The following PRKG1 variants were observed in gnomAD, a reference collection of about 807,000 sequenced individuals.
The protein encoded by PRKG1 is cGMP-dependent protein kinase 1.
Under a neutral mutation model 88.1 loss-of-function variants are expected in PRKG1, and 35 were observed. That is an observed-to-expected ratio of 0.40 (90% CI 0.30 to 0.53). The LOEUF (loss-of-function observed/expected upper bound fraction) is 0.53. PRKG1 is among the 20% of genes least tolerant of loss of function. The pLI, the probability that PRKG1 is intolerant of heterozygous loss-of-function variation, is 0.59. For missense variants in PRKG1, 540 were observed against 839.8 expected (o/e 0.64, Z 4.41); for synonymous variants, 303 against 292.5 (o/e 1.04, Z -0.37).
intron 5 of PRKG1, among the ~76,000 whole-genome samples, chr10:51,957,124 G>GCCTT (rs1564727435): frequency 9.2e-6 from 1 of 108,670 alleles, no homozygotes. Context: ...TTTCTTTCCT[G>GCCTT]CTTTCTTTCT....
chr10:51,982,100 T>G (rs1844024622), intron 5 of PRKG1, among the ~76,000 whole-genome samples: 1 of 152,246 alleles, frequency 6.6e-6, no homozygotes, highest in African/African-American at 2.4e-5. Context: ...GCTTGGTCTA[T>G]TCTGCTATTA....
At chr10:51,184,931 C>T (rs527818072) in intron 2 of PRKG1, among the ~76,000 whole-genome samples, 53 of 152,206 alleles carry the variant, frequency 3.5e-4, no homozygotes, top group Non-Finnish European at 4.3e-4. Context: ...AGCAGGTATA[C>T]GAGAGGCCAA....
At chr10:51,409,658 T>C (rs2132684317) in intron 2 of PRKG1, among the ~76,000 whole-genome samples, 1 of 151,764 alleles carries the variant, frequency 6.6e-6, no homozygotes, top group South Asian at 2.1e-4. Context: ...ATCAAGATCA[T>C]CCTGGTCTAC....
intron 7 of PRKG1, among the ~76,000 whole-genome samples, chr10:52,098,718 G>A (rs1847229896): frequency 6.6e-6 from 1 of 152,176 alleles, no homozygotes; most frequent in South Asian, 2.1e-4. Flanking sequence ...CCTAATCCAG[G>A]CTGGATCAGA....
At chr10:52,231,510 T>C (rs973102741) in intron 9 of PRKG1, 2 of 152,246 alleles carry the variant, frequency 1.3e-5, no homozygotes, top group Non-Finnish European at 2.9e-5. Context: ...TTCAGCTTAC[T>C]TTCCGTAATA....
At chr10:51,326,611 T>G (rs1209226396) in intron 2 of PRKG1, among the ~76,000 whole-genome samples, 1 of 152,228 alleles carries the variant, frequency 6.6e-6, no homozygotes, top group Non-Finnish European at 1.5e-5. Context: ...ATAGCTAATT[T>G]TCTTTCTTGA....
At chr10:51,429,342 A>G (rs898827349) in intron 2 of PRKG1, among the ~76,000 whole-genome samples, 4 of 152,216 alleles carry the variant, frequency 2.6e-5, no homozygotes, top group Non-Finnish European at 5.9e-5. Flanking sequence ...ACAATAAAAT[A>G]TCAAAGTAAA....
At chr10:51,670,757 T>A (rs867153275) in intron 3 of PRKG1, among the ~76,000 whole-genome samples, 11 of 97,624 alleles carry the variant, frequency 1.1e-4, no homozygotes, top group African/African-American at 2.2e-4. Flanking sequence ...AATAAATAAA[T>A]AAATAAATAA....
intron 2 of PRKG1, among the ~76,000 whole-genome samples, chr10:51,323,767 T>A (rs1252815013): frequency 6.6e-6 from 1 of 152,106 alleles, no homozygotes; most frequent in Non-Finnish European, 1.5e-5. Flanking sequence ...CTAAGATGGG[T>A]CTAGAGACCT....
intron 3 of PRKG1, among the ~76,000 whole-genome samples, chr10:51,777,505 T>C (rs1423054980): frequency 1.3e-5 from 2 of 152,170 alleles, no homozygotes; most frequent in East Asian, 1.9e-4. Flanking sequence ...CAAAGGAATG[T>C]GCAGAGATTT....
intron 2 of PRKG1, among the ~76,000 whole-genome samples, chr10:51,161,453 A>T: frequency 6.6e-6 from 1 of 152,182 alleles, no homozygotes; most frequent in East Asian, 1.9e-4. Flanking sequence ...GGTTCTACTA[A>T]TGTACAGTTC....
chr10:52,060,366 C>A (rs1846208785), intron 6 of PRKG1, among the ~76,000 whole-genome samples: 1 of 151,656 alleles, frequency 6.6e-6, no homozygotes, highest in Non-Finnish European at 1.5e-5. Context: ...TTTTAAAATG[C>A]AAACAATAAA....
At chr10:51,229,945 A>AAG (rs1554849274) in intron 2 of PRKG1, among the ~76,000 whole-genome samples, 24 of 150,852 alleles carry the variant, frequency 1.6e-4, no homozygotes, top group Middle Eastern at 3.4e-3. Flanking sequence ...AAAAAAAAAA[A>AAG]AAAGAAAAAG....
At chr10:51,440,935 T>C (rs1243752294) in intron 2 of PRKG1, among the ~76,000 whole-genome samples, 6 of 151,986 alleles carry the variant, frequency 3.9e-5, no homozygotes, top group South Asian at 2.1e-4. Flanking sequence ...TGTTGAAGCC[T>C]ATAAAATCAG....
At chr10:51,325,299 C>T (rs1486901805) in intron 2 of PRKG1, among the ~76,000 whole-genome samples, 2 of 152,262 alleles carry the variant, frequency 1.3e-5, no homozygotes, top group Non-Finnish European at 2.9e-5. Context: ...CTCGCTCTGT[C>T]ACCCAGGCTG....
At chr10:51,818,318 C>G (rs980075714) in intron 4 of PRKG1, among the ~76,000 whole-genome samples, 3 of 152,090 alleles carry the variant, frequency 2.0e-5, no homozygotes, top group African/African-American at 7.2e-5. Context: ...GTTTCTGACT[C>G]TCAGAATTCT....
At chr10:51,105,708 A>T (rs1360270094) in intron 1 of PRKG1, among the ~76,000 whole-genome samples, 1 of 144,998 alleles carries the variant, frequency 6.9e-6, no homozygotes, top group Non-Finnish European at 1.5e-5. Flanking sequence ...TTTTATTTAT[A>T]AAAATAATTT....
chr10:51,722,635 G>A (rs533034932), intron 3 of PRKG1, among the ~76,000 whole-genome samples: 7 of 152,054 alleles, frequency 4.6e-5, no homozygotes, highest in African/African-American at 9.7e-5. Context: ...GGCAAAGAAA[G>A]CATTTAAACC....
chr10:51,683,987 G>C (rs999513159), intron 3 of PRKG1, among the ~76,000 whole-genome samples: 2 of 152,152 alleles, frequency 1.3e-5, no homozygotes, highest in African/African-American at 2.4e-5. Context: ...TTCCTCTGAA[G>C]TTAACATAAA....
Sources: allele counts gnomAD v4.1 joint callset (sites outside exome capture counted in the v4.1 genomes callset), GRCh38; gene constraint gnomAD v4.1.1; transcripts MANE v1.5; gene names NCBI Gene and HGNC (gene_info 2026-07-23, HGNC 2026-07-21).